The following MTHFD1L variants were observed in gnomAD, a reference collection of about 807,000 sequenced individuals.
MTHFD1L encodes monofunctional C1-tetrahydrofolate synthase, mitochondrial.
A neutral mutation model predicts 119.5 loss-of-function variants in MTHFD1L; 81 were observed. The ratio of observed to expected loss-of-function variants is 0.68; its 90% CI spans 0.57 to 0.82. MTHFD1L has a LOEUF of 0.82. Ranked by LOEUF, MTHFD1L falls within the 40% of genes least tolerant of loss-of-function variation. The pLI, the probability that MTHFD1L is intolerant of heterozygous loss-of-function variation, is 0.00. For synonymous variants in MTHFD1L, 430 were observed against 475.2 expected, an observed-to-expected ratio of 0.90 and a Z score of 1.24; for missense variants, 1,125 against 1,253.4, an observed-to-expected ratio of 0.90 and a Z score of 1.55.
At chr6:150,973,859 C>T (rs968995249) in intron 20 of MTHFD1L, among the ~76,000 whole-genome samples, 3 of 152,046 alleles carry the variant, frequency 2.0e-5, no homozygotes, top group Non-Finnish European at 2.9e-5. Context: ...GGAATTGGAG[C>T]CCTGACTGGT....
chr6:151,087,458 A>G (rs979020723), intron 26 of MTHFD1L, among the ~76,000 whole-genome samples: 4 of 152,172 alleles, frequency 2.6e-5, no homozygotes, highest in African/African-American at 9.6e-5. Flanking sequence ...AGATATGTGT[A>G]AAAATGCTGC....
intron 20 of MTHFD1L, among the ~76,000 whole-genome samples, chr6:150,996,265 G>T (rs1779798833): frequency 6.6e-6 from 1 of 152,214 alleles, no homozygotes; most frequent in South Asian, 2.1e-4. Context: ...CTACACCAGT[G>T]GGGTAGGAAA....
rs770404743 is a variant in MTHFD1L at position 151,039,940 on chromosome 6, ACATACATG to A, written c.2847+2847_2847+2854del. ...TAAATACATACATACATACATACAT[ACATACATG>A]CATACATGCATACATGCATACATAG... On this transcript the variant is annotated intron_variant, in intron 26 of 27. Coordinates refer to ENST00000367321, the MANE Select transcript of MTHFD1L (RefSeq NM_015440.5). This position sits in a 1 kb window ranked among gnomAD's most constrained non-coding sequence, Gnocchi z 4.4. 0.026 allele frequency among the ~76,000 whole-genome samples: 3,855 copies of A among 150,104 alleles called. 111 individuals carry two copies. Among genetic ancestry groups the A allele is most frequent in the Admixed American group, 0.091 (1,372 of 15,086 alleles).
chr6:150,905,883 G>A (rs1450964801), intron 8 of MTHFD1L, 122 bp downstream of exon 8: 5 of 756,790 alleles, frequency 6.6e-6, no homozygotes, highest in Non-Finnish European at 1.1e-5. Flanking sequence ...AATATATAGG[G>A]TAGGAAACTT....
At chr6:151,038,605 A>T (rs1163073515) in intron 26 of MTHFD1L, among the ~76,000 whole-genome samples, 1 of 152,086 alleles carries the variant, frequency 6.6e-6, no homozygotes, top group Non-Finnish European at 1.5e-5. Context: ...GGAGGAGAAG[A>T]ATGTGGTCTG....
chr6:151,021,648 AT>A (rs780326667), intron 24 of MTHFD1L, among the ~76,000 whole-genome samples: 1 of 152,100 alleles, frequency 6.6e-6, no homozygotes, highest in African/African-American at 2.4e-5. Flanking sequence ...ACCTTCAAGA[AT>A]TCTCCTGTAA....
At chr6:151,007,248 C>G (rs968504992) in intron 20 of MTHFD1L, among the ~76,000 whole-genome samples, 2 of 151,952 alleles carry the variant, frequency 1.3e-5, no homozygotes, top group African/African-American at 4.8e-5. Context: ...CAAACTCCGT[C>G]CCTCCCAGTG....
At chr6:150,911,566 G>A (rs552827841) in intron 8 of MTHFD1L, among the ~76,000 whole-genome samples, 1 of 152,224 alleles carries the variant, frequency 6.6e-6, no homozygotes, top group South Asian at 2.1e-4. Flanking sequence ...CCTTCTGGAA[G>A]GCCTCAGGAA....
chr6:150,928,733 G>A (rs1162317409), intron 11 of MTHFD1L, among the ~76,000 whole-genome samples: 2 of 151,930 alleles, frequency 1.3e-5, no homozygotes, highest in African/African-American at 4.8e-5. Flanking sequence ...TTATAGAGAC[G>A]GGGTTTCGCC....
At chr6:151,034,075 G>A (rs1195847947) in intron 24 of MTHFD1L, among the ~76,000 whole-genome samples, 3 of 152,004 alleles carry the variant, frequency 2.0e-5, no homozygotes, top group Non-Finnish European at 4.4e-5. Context: ...CAGCTACTCA[G>A]GAGGCTGAGA....
At chr6:151,057,857 C>T (rs1790170583) in intron 26 of MTHFD1L, among the ~76,000 whole-genome samples, 2 of 152,200 alleles carry the variant, frequency 1.3e-5, no homozygotes, top group African/African-American at 2.4e-5. Flanking sequence ...CGGCTCACTG[C>T]AACCTCCGCC....
At chr6:150,922,895 T>G (rs1176549121) in intron 10 of MTHFD1L, among the ~76,000 whole-genome samples, 3 of 152,144 alleles carry the variant, frequency 2.0e-5, no homozygotes, top group African/African-American at 7.2e-5. Context: ...CTGCCCACCT[T>G]GGCCTCCCAA....
At chr6:150,960,074 T>C (rs1474456645) in intron 17 of MTHFD1L, among the ~76,000 whole-genome samples, 1 of 152,204 alleles carries the variant, frequency 6.6e-6, no homozygotes, top group Non-Finnish European at 1.5e-5. Flanking sequence ...ACATTCCGCC[T>C]GGGAGGCCAC....
chr6:151,084,983 A>AT (rs1793622702), intron 26 of MTHFD1L, among the ~76,000 whole-genome samples: 36 of 100,734 alleles, frequency 3.6e-4, no homozygotes, highest in African/African-American at 9.0e-4. Flanking sequence ...AAAAAAAAAA[A>AT]AATATATATA....
rs1388434568 is a variant in MTHFD1L at position 151,046,313 on chromosome 6, A to AG, written c.2847+9199dup. Among the ~76,000 whole-genome samples, 5 of 151,784 alleles carry AG rather than the reference A, an allele frequency of 3.3e-5. No individual in the cohort carries two copies. In the East Asian group the frequency reaches 7.7e-4, roughly 24 times the overall value. On this transcript the variant is annotated intron_variant, in intron 26 of 27. Transcript: ENST00000367321. ...ATGGTGTTTCTCTTCAGAGTCAAGG[A>AG]GGGAAAAAAAGAAAAGATAAAAGAT... is the stretch of plus-strand genomic sequence containing the variant.
chr6:150,995,573 G>C (rs919935251), intron 20 of MTHFD1L, among the ~76,000 whole-genome samples: 8 of 151,700 alleles, frequency 5.3e-5, no homozygotes, highest in Non-Finnish European at 1.2e-4. Flanking sequence ...CTTTGTCAAC[G>C]GTACAAAGAT....
chr6:150,980,953 C>T (rs541631333), intron 20 of MTHFD1L, among the ~76,000 whole-genome samples: 51 of 152,010 alleles, frequency 3.4e-4, no homozygotes, highest in African/African-American at 1.2e-3. Flanking sequence ...AATGGCCCAG[C>T]AATTTTTTTC....
In MTHFD1L at chr6:151,082,244, T is replaced by G. The variant is rs536348240; in HGVS notation, c.2848-10223T>G. 1.2e-4 allele frequency among the ~76,000 whole-genome samples: 18 copies of G among 152,330 alleles called. No homozygotes were observed. The South Asian group carries it at 3.7e-3, about 32-fold the overall frequency. On this transcript the variant is annotated intron_variant, in intron 26 of 27. Transcript: ENST00000367321. Reference sequence around the variant, plus strand: ...TGAGGAATGGAATTTGTGCTTCAGCTCTTCCCAGCATCTTCTTGGGCTGCA... The same window carrying G: ...TGAGGAATGGAATTTGTGCTTCAGCGCTTCCCAGCATCTTCTTGGGCTGCA...
intron 27 of MTHFD1L, among the ~76,000 whole-genome samples, chr6:151,096,998 T>C (rs1794942895): frequency 6.6e-6 from 1 of 152,198 alleles, no homozygotes; most frequent in South Asian, 2.1e-4. Context: ...TTAAAATAGA[T>C]TTTTTGTCCC....
Sources: gnomAD v4.1 joint callset for allele counts (sites outside exome capture counted in the v4.1 genomes callset) on GRCh38, gnomAD v4.1.1 for gene constraint, Gnocchi (gnomAD v3.1) non-coding constraint, MANE v1.5 for transcripts, NCBI Gene and HGNC (gene_info 2026-07-23, HGNC 2026-07-21) for gene names.